The following TUT4 variants were observed in gnomAD, a reference collection of about 807,000 sequenced individuals.
TUT4 encodes the protein terminal uridylyltransferase 4.
A neutral mutation model predicts 192.2 loss-of-function variants in TUT4; 36 were observed. That is an observed-to-expected ratio of 0.19 (90% confidence interval 0.14 to 0.25). The LOEUF (loss-of-function observed/expected upper bound fraction) is 0.25, where lower values mean the gene tolerates loss of function less well. Among genes scored for constraint, TUT4 ranks in the 10% least tolerant of loss-of-function variants. The probability of loss-of-function intolerance (pLI) is 1.00; values close to 1 mark genes in which losing one functional copy is unlikely to be tolerated. For synonymous variants in TUT4, 618 were observed against 666.0 expected, an observed-to-expected ratio of 0.93 and a Z score of 1.11; for missense variants, 1,493 against 1,957.2, an observed-to-expected ratio of 0.76 and a Z score of 4.47.
chr1:52,532,357 ACT>A (rs1256854707), intron 1 of TUT4, among the ~76,000 whole-genome samples: 1 of 149,360 alleles, frequency 6.7e-6, no homozygotes, highest in African/African-American at 2.5e-5. Flanking sequence ...ACAGTATCTC[ACT>A]CTGTCACCCA....
At chr1:52,496,724 GA>G (rs1253538919) in intron 5 of TUT4, among the ~76,000 whole-genome samples, 3 of 152,078 alleles carry the variant, frequency 2.0e-5, no homozygotes, top group Non-Finnish European at 4.4e-5. Flanking sequence ...AGTCCACTCA[GA>G]AATCAGTGAT....
rs373669934 is a variant in TUT4 at position 52,458,408 on chromosome 1, T to A, written c.3363A>T (p.Ser1121=). The A allele has an allele frequency of 1.9e-6, 3 of 1,613,850 alleles. No homozygotes were observed. The highest frequency in any genetic ancestry group is 1.3e-5 in the African/African-American group (1 of 75,042). The change falls in exon 20 of 30, where the codon TCA becomes TCT. Residue 1121 remains serine (S), a synonymous_variant. Coordinates refer to ENST00000257177, the MANE Select transcript of TUT4 (RefSeq NM_001009881.3). ...IGDASRGSLS[S]YAYILMVLYF... The stretch of plus-strand genomic sequence containing the variant: ...ACAGCACCATAAGGATATATGCATA[T>A]GAAGATAAACTTCCCCTGGAAGCAT...
intron 1 of TUT4, among the ~76,000 whole-genome samples, chr1:52,531,766 G>A (rs753526451): frequency 2.6e-5 from 4 of 151,618 alleles, no homozygotes; most frequent in Non-Finnish European, 5.9e-5. Flanking sequence ...ACCCAGGGTG[G>A]GCTCAGATAA....
At chr1:52,534,970 T>C (rs1260156898) in intron 1 of TUT4, 1 of 152,242 alleles carries the variant, frequency 6.6e-6, no homozygotes, top group Admixed American at 6.5e-5. Context: ...TTCTTATTCT[T>C]TACCTTTTTT....
In TUT4 at chr1:52,423,646, T is replaced by C. The variant is rs939923502; in HGVS notation, c.*289A>G. On this transcript the variant is annotated 3_prime_UTR_variant, in exon 30 of 30. Coordinates refer to ENST00000257177, the MANE Select transcript of TUT4 (RefSeq NM_001009881.3). ...ACAAAACATAAAATTCCCTTAAAAA[T>C]AGGGTAATAAAATAGATGAAATTTG... 7.2e-5 allele frequency: 34 copies of C among 469,990 alleles called. No homozygotes were observed. The highest frequency in any genetic ancestry group is 1.3e-3 in the Middle Eastern group (2 of 1,482). The allele number at this position is 469,990 out of a possible 1,614,324, so 29.1% of individuals were successfully genotyped here. A position where few individuals can be genotyped will look rare whatever the true frequency, so the allele number is the denominator to read the frequency against.
rs147527955 is a variant in TUT4 at position 52,536,208 on chromosome 1, T to C, written c.-93-9835A>G. Among the ~76,000 whole-genome samples, 227 of 152,264 alleles carry C rather than the reference T, an allele frequency of 1.5e-3. 1 individual carries two copies. Among genetic ancestry groups the C allele is most frequent in the Non-Finnish European group, 2.2e-3 (148 of 68,014 alleles). ...CCTCTGTTAATAGGCACAAACTATA[T>C]AAAGATGTAATCTGTGACAATAAAA... On this transcript the variant is annotated intron_variant, in intron 1 of 29. Coordinates refer to ENST00000257177, the MANE Select transcript of TUT4 (RefSeq NM_001009881.3).
chr1:52,528,135 C>T (rs963826980), intron 1 of TUT4, among the ~76,000 whole-genome samples: 13 of 150,706 alleles, frequency 8.6e-5, no homozygotes, highest in South Asian at 2.1e-4. Flanking sequence ...ACTGAGATCG[C>T]GCCACAGCAC....
rs368195937 is a variant in TUT4 at position 52,475,210 on chromosome 1, C to G, written c.2349G>C (p.Leu783Phe). The G allele has an allele frequency of 8.1e-6, 13 of 1,613,996 alleles. No individual in the cohort carries two copies. In the Admixed American group the frequency reaches 1.0e-4, roughly 12 times the overall value. The change falls in exon 13 of 30, where the codon TTG becomes TTC. Residue 783 changes from leucine (L) to phenylalanine (F), a missense_variant. Physicochemically the swap from Leu to Phe is conservative, Grantham distance 22 (BLOSUM62 0). Transcript: ENST00000257177. ...CAGCAAAATCTAGTTCATTTACCAA[C>G]AAATTGTTGTTGTCAATAATACATC... ...SQRCIIDNNN[L>F]LVNELDFADH...
At chr1:52,536,876 A>T (rs1166619973) in intron 1 of TUT4, among the ~76,000 whole-genome samples, 1 of 140,870 alleles carries the variant, frequency 7.1e-6, no homozygotes, top group Non-Finnish European at 1.5e-5. Flanking sequence ...ATTAAATTTT[A>T]AAAAATAGGC....
chr1:52,525,154 TTTG>T (rs1681388864), intron 2 of TUT4, among the ~76,000 whole-genome samples: 1 of 129,102 alleles, frequency 7.7e-6, no homozygotes, highest in African/African-American at 5.0e-5. Flanking sequence ...GGTTTTTTTG[TTTG>T]TTTGTTTTGG....
intron 20 of TUT4, among the ~76,000 whole-genome samples, chr1:52,447,713 A>G (rs1231174232): frequency 6.6e-6 from 1 of 152,244 alleles, no homozygotes; most frequent in African/African-American, 2.4e-5. Context: ...CAACAGATTC[A>G]GTCAGGAGAC....
intron 6 of TUT4, among the ~76,000 whole-genome samples, chr1:52,494,629 G>C (rs1008859036): frequency 2.6e-5 from 4 of 152,050 alleles, no homozygotes; most frequent in African/African-American, 9.7e-5. Context: ...GAGGTGGAGG[G>C]TGCAGTCAGC....
intron 2 of TUT4, among the ~76,000 whole-genome samples, chr1:52,518,800 G>A (rs1319114646): frequency 6.6e-6 from 1 of 152,176 alleles, no homozygotes; most frequent in Non-Finnish European, 1.5e-5. Flanking sequence ...GTTGCCAGAG[G>A]CTGGGGAAAG....
At chr1:52,460,371 A>T (rs747930163) in intron 19 of TUT4, among the ~76,000 whole-genome samples, 5 of 152,052 alleles carry the variant, frequency 3.3e-5, no homozygotes, top group African/African-American at 9.7e-5. Context: ...AATCCCAGCT[A>T]CTTGGGAGGC....
intron 4 of TUT4, among the ~76,000 whole-genome samples, chr1:52,507,539 G>A (rs778038932): frequency 6.6e-6 from 1 of 151,874 alleles, no homozygotes; most frequent in Non-Finnish European, 1.5e-5. Flanking sequence ...AAAAGTATAC[G>A]TCCTATATGG....
chr1:52,490,749 C>T lies in TUT4; in HGVS notation c.1371G>A (p.Val457=). 3 of 1,611,888 alleles carry T rather than the reference C, an allele frequency of 1.9e-6. No individual in the cohort carries two copies. Among genetic ancestry groups the T allele is most frequent in the Non-Finnish European group, 2.5e-6 (3 of 1,179,220 alleles). ...TTACCAACCTTTTTCGATCTCTGCA[C>T]ACCACAACAGGAACTTTAGCGTGAA... ...SDFHAKVPVV[V]CRDRKSGLLC... Residue 457 remains valine (V), a synonymous_variant, in exon 8 of 30, where the codon GTG becomes GTA. Transcript: ENST00000257177.
intron 12 of TUT4, among the ~76,000 whole-genome samples, chr1:52,477,089 C>A (rs1006170718): frequency 6.6e-6 from 1 of 152,212 alleles, no homozygotes; most frequent in Admixed American, 6.5e-5. Flanking sequence ...TCTTATGACA[C>A]AAATTTATTC....
intron 1 of TUT4, among the ~76,000 whole-genome samples, chr1:52,531,761 G>C (rs1405000556): frequency 6.6e-6 from 1 of 151,924 alleles, no homozygotes; most frequent in East Asian, 1.9e-4. Flanking sequence ...CTCTTACCCA[G>C]GGTGGGCTCA....
At chr1:52,546,539 G>A (rs1019898557) in intron 1 of TUT4, among the ~76,000 whole-genome samples, 6 of 152,106 alleles carry the variant, frequency 3.9e-5, no homozygotes, top group East Asian at 1.9e-4. Context: ...AGAAGGGAAC[G>A]GGAAATTATC....
Sources: allele counts gnomAD v4.1 joint callset (sites outside exome capture counted in the v4.1 genomes callset), GRCh38; gene constraint gnomAD v4.1.1; transcripts MANE v1.5; gene names NCBI Gene and HGNC (gene_info 2026-07-23, HGNC 2026-07-21).